The following EYS variants were observed in gnomAD, a reference collection of about 807,000 sequenced individuals.
EYS encodes the protein EGF-like photoreceptor maintenance factor.
A neutral mutation model predicts 282.1 loss-of-function variants in EYS; 250 were observed. The observed-to-expected ratio is 0.89, with a 90% confidence interval of 0.80 to 0.98. The LOEUF is 0.98. Ranked by LOEUF, EYS falls within the 50% of genes least tolerant of loss-of-function variation. The pLI is 0.00. For missense variants in EYS, 4,016 were observed against 3,709.0 expected, an observed-to-expected ratio of 1.08 and a Z score of -2.15; for synonymous variants, 1,355 against 1,282.9, an observed-to-expected ratio of 1.06 and a Z score of -1.20.
chr6:65,077,770 TCA>T (rs1774100758), intron 12 of EYS, among the ~76,000 whole-genome samples: 1 of 152,104 alleles, frequency 6.6e-6, no homozygotes, highest in African/African-American at 2.4e-5. Context: ...GCAATTAATT[TCA>T]TTTATTTGAT....
At chr6:64,289,755 G>T (rs566527948) in intron 30 of EYS, among the ~76,000 whole-genome samples, 1 of 152,070 alleles carries the variant, frequency 6.6e-6, no homozygotes, top group African/African-American at 2.4e-5. Context: ...GTGAATAAAT[G>T]AATGAATGAA....
intron 12 of EYS, among the ~76,000 whole-genome samples, chr6:65,059,616 A>T (rs1314438905): frequency 6.6e-6 from 1 of 152,028 alleles, no homozygotes; most frequent in Non-Finnish European, 1.5e-5. Flanking sequence ...TTATACCCCA[A>T]AGAGGCAAAG....
chr6:65,625,972 T>C (rs1014249943), intron 2 of EYS, among the ~76,000 whole-genome samples: 1 of 152,206 alleles, frequency 6.6e-6, no homozygotes, highest in African/African-American at 2.4e-5. Flanking sequence ...CTGTGGATGT[T>C]CTGAAATTAT....
chr6:64,010,825 G>A (rs1024722631), intron 33 of EYS, among the ~76,000 whole-genome samples: 4 of 152,088 alleles, frequency 2.6e-5, no homozygotes, highest in Admixed American at 1.3e-4. Context: ...ATATTCACAG[G>A]TCCATTCACA....
In EYS at chr6:64,674,411, A is replaced by G. The variant is rs568300934; in HGVS notation, c.3444-48166T>C. Among the ~76,000 whole-genome samples, 118 of 148,678 alleles carry G rather than the reference A, an allele frequency of 7.9e-4. 1 individual carries two copies. Among genetic ancestry groups the G allele is most frequent in the African/African-American group, 2.7e-3 (110 of 40,776 alleles). On this transcript the variant is annotated intron_variant, in intron 22 of 42. Transcript: ENST00000503581. The stretch of plus-strand genomic sequence containing the variant: ...GGAAGGGATTTAAGAACTTTATTTT[A>G]TAAGTCAGGATCTCTATTTATACAG...
At chr6:63,809,295 C>T (rs1047451436) in intron 36 of EYS, among the ~76,000 whole-genome samples, 1 of 152,154 alleles carries the variant, frequency 6.6e-6, no homozygotes, top group Non-Finnish European at 1.5e-5. Flanking sequence ...CTTTTCAATA[C>T]TTTAAGCCCT....
intron 19 of EYS, among the ~76,000 whole-genome samples, chr6:64,855,072 CTCTG>C (rs1421355627): frequency 2.0e-5 from 3 of 152,040 alleles, no homozygotes; most frequent in African/African-American, 7.2e-5. Context: ...TTTTCATATT[CTCTG>C]TCTGCCTTCA....
intron 35 of EYS, among the ~76,000 whole-genome samples, chr6:63,956,403 C>A (rs531978199): frequency 6.6e-6 from 1 of 152,226 alleles, no homozygotes; most frequent in East Asian, 1.9e-4. Flanking sequence ...AACGGCCCAC[C>A]TCTATCTCCC....
chr6:64,293,647 TG>T (rs1415133058), intron 30 of EYS, among the ~76,000 whole-genome samples: 2 of 152,184 alleles, frequency 1.3e-5, no homozygotes, highest in African/African-American at 4.8e-5. Context: ...GTAAATGCTA[TG>T]TTTCTTGTAG....
At chr6:64,733,481 C>A in intron 22 of EYS, 1 of 191,294 alleles carries the variant, frequency 5.2e-6, no homozygotes, top group South Asian at 1.1e-4. Flanking sequence ...TGGTTGAAGT[C>A]TTCTTTTCAG....
At chr6:64,335,680 T>TAAGACAAAGGAAAGA (rs1770823774) in intron 29 of EYS, among the ~76,000 whole-genome samples, 1 of 152,100 alleles carries the variant, frequency 6.6e-6, no homozygotes, top group Non-Finnish European at 1.5e-5. Context: ...ACAATCAGGT[T>TAAGACAAAGGAAAGA]ATCCAAAGTT....
At chr6:65,441,287 T>A (rs1163184028) in intron 5 of EYS, among the ~76,000 whole-genome samples, 1 of 151,900 alleles carries the variant, frequency 6.6e-6, no homozygotes, top group African/African-American at 2.4e-5. Context: ...ATCATCTCAA[T>A]ATTTATATTT....
chr6:64,620,860 C>T (rs1767424050), intron 23 of EYS, among the ~76,000 whole-genome samples: 2 of 151,982 alleles, frequency 1.3e-5, no homozygotes, highest in East Asian at 1.9e-4. Flanking sequence ...GAAAAGTAAT[C>T]AAATTATTAT....
rs151187049 is a variant in EYS, at chr6:65,344,166, C to T, written c.1471G>A (p.Glu491Lys). The change falls in exon 10 of 43, where the codon GAA (glutamate) becomes AAA (lysine). Residue 491 changes from glutamate (E) to lysine (K), a missense_variant. Transcript: ENST00000503581. ...WQLGFAGSEG[E>K]KCQGVIDAYF... ...GCATCAATAACCCCTTGGCACTTTT[C>T]GCCTTCAGATCCTTTAAAAAAAAAG... 47 of 1,608,722 alleles carry T rather than the reference C, an allele frequency of 2.9e-5. No individual in the cohort carries two copies. Among genetic ancestry groups the T allele is most frequent in the South Asian group, 8.8e-5 (8 of 90,928 alleles).
chr6:65,638,394 G>A (rs747112123), intron 2 of EYS, among the ~76,000 whole-genome samples: 1 of 152,128 alleles, frequency 6.6e-6, no homozygotes, highest in African/African-American at 2.4e-5. Context: ...CACAAACAGG[G>A]CTGAAACTCC....
rs57320484 is a variant in EYS at position 65,143,262 on chromosome 6, A to AT, written c.2024-85536dup. Among the ~76,000 whole-genome samples, 596 of 149,004 alleles carry AT rather than the reference A, an allele frequency of 4.0e-3. 3 individuals are homozygous for AT. The highest frequency in any genetic ancestry group is 0.012 in the African/African-American group (492 of 40,896). ...TTAAAAGCATTATACAGACTGAAAG[A>AT]TTTTTTTTTTTGTACCACAGGATAT... On this transcript the variant is annotated intron_variant, in intron 12 of 42. Transcript: ENST00000503581.
chr6:65,166,924 A>C (rs1277451518), intron 12 of EYS, among the ~76,000 whole-genome samples: 1 of 151,254 alleles, frequency 6.6e-6, no homozygotes, highest in Non-Finnish European at 1.5e-5. Flanking sequence ...ATAAACAGTC[A>C]ATAAGTTCAA....
intron 26 of EYS, among the ~76,000 whole-genome samples, chr6:64,460,695 C>G (rs536728176): frequency 1.3e-5 from 2 of 152,216 alleles, no homozygotes; most frequent in Non-Finnish European, 2.9e-5. Flanking sequence ...CCTCCTCAAG[C>G]TGTCTTTGAA....
At chr6:65,030,431 GCA>G (rs1254406201) in intron 13 of EYS, among the ~76,000 whole-genome samples, 1 of 152,006 alleles carries the variant, frequency 6.6e-6, no homozygotes, top group Non-Finnish European at 1.5e-5. Context: ...CACTATGCTG[GCA>G]CACATTCACC....
Sources: allele counts gnomAD v4.1 joint callset (sites outside exome capture counted in the v4.1 genomes callset), GRCh38; gene constraint gnomAD v4.1.1; transcripts MANE v1.5; gene names NCBI Gene and HGNC (gene_info 2026-07-23, HGNC 2026-07-21).